CREB5: variants seen among roughly 807,000 people sequenced by gnomAD.
CREB5 encodes the protein cAMP responsive element binding protein 5.
Under a neutral mutation model 57.1 loss-of-function variants are expected in CREB5, and 19 were observed. The ratio of observed to expected loss-of-function variants is 0.33; its 90% confidence interval spans 0.23 to 0.49. CREB5 has a LOEUF of 0.49. CREB5 is among the 20% of genes least tolerant of loss of function. CREB5 has a pLI of 0.99. For missense variants in CREB5, 579 were observed against 671.6 expected, an observed-to-expected ratio of 0.86 and a Z score of 1.52; for synonymous variants, 238 against 238.3, an observed-to-expected ratio of 1.00 and a Z score of 0.01.
At chr7:28,499,090 C>T (rs1025526063) in intron 3 of CREB5, among the ~76,000 whole-genome samples, 5 of 147,280 alleles carry the variant, frequency 3.4e-5, no homozygotes, top group Middle Eastern at 3.4e-3. Context: ...CATGGTAGTA[C>T]GGGTAGGAAC....
chr7:28,303,154 A>AG (rs1474732701), intron 1 of CREB5, among the ~76,000 whole-genome samples: 1 of 151,904 alleles, frequency 6.6e-6, no homozygotes, highest in Non-Finnish European at 1.5e-5. Flanking sequence ...AAAAAAAAAA[A>AG]AAAAGAATTA....
chr7:28,530,497 A>T (rs552072436), intron 4 of CREB5, among the ~76,000 whole-genome samples: 5 of 152,314 alleles, frequency 3.3e-5, no homozygotes, highest in South Asian at 4.1e-4. Flanking sequence ...CTGAAAAAAC[A>T]TATGATCCCA....
chr7:28,590,466 G>A (rs1327777399), intron 5 of CREB5, among the ~76,000 whole-genome samples: 1 of 144,088 alleles, frequency 6.9e-6, no homozygotes, highest in Non-Finnish European at 1.5e-5. Flanking sequence ...CTCATAGGTG[G>A]GAATTGAACA....
chr7:28,698,829 C>T (rs763911477), intron 5 of CREB5, among the ~76,000 whole-genome samples: 4 of 152,198 alleles, frequency 2.6e-5, no homozygotes, highest in Non-Finnish European at 5.9e-5. Context: ...AGAATTCTTC[C>T]TGGCATGAGG....
At chr7:28,330,847 A>G (rs142043357) in intron 1 of CREB5, among the ~76,000 whole-genome samples, 8 of 152,314 alleles carry the variant, frequency 5.3e-5, no homozygotes, top group Non-Finnish European at 1.0e-4. Flanking sequence ...ATCCAAGGAA[A>G]TTTGTGGTAT....
At chr7:28,523,696 G>A (rs1216650093) in intron 4 of CREB5, among the ~76,000 whole-genome samples, 1 of 152,196 alleles carries the variant, frequency 6.6e-6, no homozygotes, top group Non-Finnish European at 1.5e-5. Flanking sequence ...CCACCTTGCT[G>A]TGCTTGCCCA....
At chr7:28,525,259 C>T (rs534768067) in intron 4 of CREB5, among the ~76,000 whole-genome samples, 196 of 152,266 alleles carry the variant, frequency 1.3e-3, no homozygotes, top group African/African-American at 4.6e-3. Flanking sequence ...CATATCTTGG[C>T]TATTGTGAAT....
intron 1 of CREB5, among the ~76,000 whole-genome samples, chr7:28,327,098 G>C (rs12674146): frequency 6.8e-6 from 1 of 146,112 alleles, no homozygotes; most frequent in Non-Finnish European, 1.5e-5. Context: ...ACAGTGAGCT[G>C]AGGTCAACCC....
At chr7:28,451,202 T>G (rs1004613192) in intron 1 of CREB5, among the ~76,000 whole-genome samples, 1 of 152,280 alleles carries the variant, frequency 6.6e-6, no homozygotes, top group Admixed American at 6.5e-5. Flanking sequence ...TTGGTAATTC[T>G]CCTCCTGGAA....
intron 5 of CREB5, among the ~76,000 whole-genome samples, chr7:28,585,147 G>A (rs879906306): frequency 2.0e-5 from 3 of 152,224 alleles, no homozygotes; most frequent in African/African-American, 7.2e-5. Flanking sequence ...GTAGTTGCGG[G>A]ATTCTGAAGC....
intron 5 of CREB5, among the ~76,000 whole-genome samples, chr7:28,632,547 T>C (rs219023): frequency 0.67 from 101,370 of 151,968 alleles, 34,541 homozygotes; most frequent in African/African-American, 0.8. Context: ...TTAAAAGTTT[T>C]GTTCACCATC....
chr7:28,390,190 C>A (rs1787189020), intron 1 of CREB5, among the ~76,000 whole-genome samples: 3 of 152,042 alleles, frequency 2.0e-5, no homozygotes, highest in Non-Finnish European at 2.9e-5. Flanking sequence ...TTGCCTGGGG[C>A]TCTGCTGATG....
intron 5 of CREB5, among the ~76,000 whole-genome samples, chr7:28,608,113 T>TCTCTCTCACACACACA (rs1484747649): frequency 7.0e-6 from 1 of 143,068 alleles, no homozygotes; most frequent in Admixed American, 7.0e-5. Context: ...TCTCTCTCTC[T>TCTCTCTCACACACACA]CACACACACT....
intron 5 of CREB5, among the ~76,000 whole-genome samples, chr7:28,715,009 A>G (rs912613962): frequency 1.3e-5 from 2 of 152,124 alleles, no homozygotes; most frequent in African/African-American, 4.8e-5. Context: ...TTGCCATATT[A>G]TTTTCAGAGT....
chr7:28,701,035 G>C (rs1801832642), intron 5 of CREB5, among the ~76,000 whole-genome samples: 1 of 151,554 alleles, frequency 6.6e-6, no homozygotes, highest in Non-Finnish European at 1.5e-5. Flanking sequence ...CATATAAGGA[G>C]ATTTGTGGGC....
intron 7 of CREB5, among the ~76,000 whole-genome samples, chr7:28,788,201 T>G (rs1238798599): frequency 1.3e-5 from 2 of 152,082 alleles, no homozygotes; most frequent in African/African-American, 4.8e-5. Context: ...TTGTAGAATG[T>G]TGTTTAGCAG....
At chr7:28,689,627 ACATACAGTTT>A (rs1801144417) in intron 5 of CREB5, among the ~76,000 whole-genome samples, 1 of 152,192 alleles carries the variant, frequency 6.6e-6, no homozygotes, top group East Asian at 1.9e-4. Context: ...ATGAACAAGC[ACATACAGTTT>A]TGCCTTTCAT....
intron 5 of CREB5, among the ~76,000 whole-genome samples, chr7:28,592,125 A>T (rs1474309970): frequency 6.6e-6 from 1 of 152,232 alleles, no homozygotes; most frequent in Admixed American, 6.5e-5. Context: ...AATTAAAGTT[A>T]TACCACAAAG....
intron 7 of CREB5, among the ~76,000 whole-genome samples, chr7:28,743,554 C>T (rs12700901): frequency 2.6e-5 from 4 of 151,898 alleles, no homozygotes; most frequent in Non-Finnish European, 5.9e-5. Flanking sequence ...AGAAAGAAAA[C>T]GAAAAGCTTA....
Sources: gnomAD v4.1 joint callset for allele counts (sites outside exome capture counted in the v4.1 genomes callset) on GRCh38, gnomAD v4.1.1 for gene constraint, MANE v1.5 for transcripts, NCBI Gene and HGNC (gene_info 2026-07-23, HGNC 2026-07-21) for gene names.